The following GABRR2 variants were observed in gnomAD, a reference collection of about 807,000 sequenced individuals.
GABRR2 encodes gamma-aminobutyric acid receptor subunit rho-2.
In GABRR2, 36 loss-of-function variants were observed where a neutral mutation model predicts 47.0. The observed-to-expected ratio is 0.77, with a 90% CI of 0.59 to 1.01. The LOEUF (loss-of-function observed/expected upper bound fraction) is 1.01. Among genes scored for constraint, GABRR2 ranks in the 50% least tolerant of loss-of-function variants. The pLI is 0.00. For missense variants in GABRR2, 587 were observed against 594.6 expected (o/e 0.99, Z 0.13); for synonymous variants, 204 against 227.5 (o/e 0.90, Z 0.93).
chr6:89,277,896 A>C, intron 2 of GABRR2, among the ~76,000 whole-genome samples: 1 of 150,430 alleles, frequency 6.6e-6, no homozygotes, highest in Non-Finnish European at 1.5e-5. Flanking sequence ...GCAAATTGGT[A>C]CCACTACCTT....
At chr6:89,299,928 G>A (rs1774637883) in intron 1 of GABRR2, 63 bp from the exon 2 acceptor site, 1 of 1,068,788 alleles carries the variant, frequency 9.4e-7, no homozygotes, top group East Asian at 2.4e-5. Context: ...GAGATGATTT[G>A]GGCTATTACT....
chr6:89,286,536 T>C (rs889425051), intron 2 of GABRR2, among the ~76,000 whole-genome samples: 1 of 152,110 alleles, frequency 6.6e-6, no homozygotes, highest in Non-Finnish European at 1.5e-5. Flanking sequence ...TATACAATTT[T>C]TACTTGTTAA....
At chr6:89,261,695 T>G (rs898556991) in intron 8 of GABRR2, among the ~76,000 whole-genome samples, 48 of 152,204 alleles carry the variant, frequency 3.2e-4, no homozygotes, top group Admixed American at 2.9e-3. Context: ...ACAAGGTTTT[T>G]CTTTTTCTCT....
chr6:89,294,457 C>T (rs1774523227), intron 2 of GABRR2, among the ~76,000 whole-genome samples: 1 of 152,138 alleles, frequency 6.6e-6, no homozygotes, highest in South Asian at 2.1e-4. Context: ...CTATCAACTA[C>T]TTTTAAACAC....
chr6:89,309,277 G>T (rs1014838733), intron 1 of GABRR2, among the ~76,000 whole-genome samples: 1 of 152,190 alleles, frequency 6.6e-6, no homozygotes, highest in Admixed American at 6.5e-5. Context: ...TCCTCCAGAC[G>T]TGTAGGTGGT....
intron 2 of GABRR2, among the ~76,000 whole-genome samples, chr6:89,281,038 G>A (rs1340512929): frequency 3.3e-5 from 5 of 152,228 alleles, no homozygotes; most frequent in East Asian, 1.9e-4. Context: ...TAAGGGTCAC[G>A]ATATTTAAAG....
chr6:89,271,344 C>T (rs903881384), intron 3 of GABRR2, among the ~76,000 whole-genome samples: 1 of 152,164 alleles, frequency 6.6e-6, no homozygotes, highest in African/African-American at 2.4e-5. Flanking sequence ...TCCAGTACCC[C>T]ACCAGGTGTG....
At chr6:89,268,895 C>G (rs996165332) in intron 4 of GABRR2, 116 bp downstream of exon 4, 1 of 823,878 alleles carries the variant, frequency 1.2e-6, no homozygotes, top group Non-Finnish European at 2.0e-6. Flanking sequence ...TCAGAAGGCT[C>G]CTCCCATCCA....
chr6:89,257,950 T>G lies in GABRR2; in HGVS notation c.1118A>C (p.Lys373Thr). The G allele has an allele frequency of 1.9e-6, 3 of 1,613,850 alleles. No individual in the cohort carries two copies. The highest frequency in any genetic ancestry group is 2.5e-6 in the Non-Finnish European group (3 of 1,179,836). ...FPCMCGMLHSKTMMLDGSYSE... is the reference protein window; with the variant it reads ...FPCMCGMLHSTTMMLDGSYSE... ...GTAGCTTCCATCCAGCATCATGGTT[T>G]TTGAATGAAGCATTCCACACATGCA... is the stretch of plus-strand genomic sequence containing the variant. The change falls in exon 9 of 9, where the codon AAA (lysine) becomes ACA (threonine). Residue 373 changes from lysine to threonine, a missense_variant. By Grantham distance (78) the Lys-to-Thr change is moderately conservative (BLOSUM62 -1). Transcript: ENST00000402938.
At chr6:89,258,518 C>G (rs1391956111) in intron 8 of GABRR2, among the ~76,000 whole-genome samples, 1 of 138,678 alleles carries the variant, frequency 7.2e-6, no homozygotes, top group Non-Finnish European at 1.5e-5. Flanking sequence ...CCAGCCTGGG[C>G]AACATAGTGA....
rs1053763486 is a variant in GABRR2 at position 89,257,132 on chromosome 6, T to C, written c.*538A>G. ...GATAAATGAATAATCTCCTCTAATA[T>C]TGCAGAATCCTGTGGGTTGCCATAC... On this transcript the variant is annotated 3_prime_UTR_variant, in exon 9 of 9. Transcript: ENST00000402938. The C allele has an allele frequency of 6.5e-6, 1 of 154,428 alleles. No individual in the cohort carries two copies. Among genetic ancestry groups the C allele is most frequent in the Non-Finnish European group, 1.4e-5 (1 of 69,472 alleles). The allele number at this position is 154,428 out of a possible 1,614,324, so 9.6% of individuals were successfully genotyped here.
Position 89,267,786 on chromosome 6 carries a change from C to T in GABRR2, c.629G>A (p.Trp210Ter). 6.2e-7 allele frequency: 1 copy of T among 1,613,814 alleles called. No homozygotes were observed. ...AYTDEDLMLYWKNGDESLKTD... is the reference protein window; with the variant it reads ...AYTDEDLMLY ...TTTTAGGGATTCATCCCCATTCTTC[C>T]AGTACAGCATTAGATCTTCATCTGT... Residue 210 changes from tryptophan (W) to a stop codon, truncating the protein, a stop_gained, in exon 6 of 9, where the codon TGG becomes TAG. Transcript: ENST00000402938. LOFTEE classifies it high-confidence loss of function.
intron 4 of GABRR2, 43 bp from the exon 5 acceptor site, chr6:89,268,139 T>C (rs1200835963): frequency 2.7e-6 from 4 of 1,462,652 alleles, no homozygotes; most frequent in East Asian, 2.4e-5. Flanking sequence ...CGGTGAATTA[T>C]TGGCTCCTAC....
intron 1 of GABRR2, 63 bp from the exon 2 acceptor site, chr6:89,299,928 G>T: frequency 9.4e-7 from 1 of 1,068,786 alleles, no homozygotes; most frequent in Non-Finnish European, 1.5e-6. Context: ...GAGATGATTT[G>T]GGCTATTACT....
chr6:89,300,967 T>C (rs1379302600), intron 1 of GABRR2, among the ~76,000 whole-genome samples: 1 of 152,086 alleles, frequency 6.6e-6, no homozygotes, highest in African/African-American at 2.4e-5. Context: ...ATATCCTTGA[T>C]GAACATTGAG....
rs1178804635 is a variant in GABRR2, at chr6:89,269,046, C to T, written c.477G>A (p.Arg159=). 1 of 1,613,998 alleles carries T rather than the reference C, an allele frequency of 6.2e-7. No individual in the cohort carries two copies. The highest frequency in any genetic ancestry group is 8.5e-7 in the Non-Finnish European group (1 of 1,179,884). ...ACAGCACGTGTCCATCTGGGAACACCCTCAGCATGATGTTGTCAGTGGTGG... is the reference window on the plus strand; with the variant it reads ...ACAGCACGTGTCCATCTGGGAACACTCTCAGCATGATGTTGTCAGTGGTGG... ...HDTTTDNIML[R]VFPDGHVLYS... is the part of the protein sequence containing the mutation. The change falls in exon 4 of 9, where the codon AGG becomes AGA. Residue 159 remains arginine (R), a synonymous_variant. Transcript: ENST00000402938.
Position 89,255,470 on chromosome 6 carries a change from G to C in GABRR2, c.*2200C>G, listed in dbSNP as rs977397541. Among the ~76,000 whole-genome samples, 6 of 152,112 alleles carry C rather than the reference G, an allele frequency of 3.9e-5. No homozygotes were observed. Among genetic ancestry groups the C allele is most frequent in the African/African-American group, 1.4e-4 (6 of 41,444 alleles). ...AAAAAAAGGTTTCTAAACAAGTCCA[G>C]ATGCCCTGTACCACCCAATTACCCA... On this transcript the variant is annotated 3_prime_UTR_variant, in exon 9 of 9. Transcript: ENST00000402938.
At chr6:89,261,471 C>T (rs974894331) in intron 8 of GABRR2, among the ~76,000 whole-genome samples, 21 of 152,244 alleles carry the variant, frequency 1.4e-4, no homozygotes, top group African/African-American at 4.8e-4. Flanking sequence ...CCAGTCATGA[C>T]GAGACAAGAG....
intron 1 of GABRR2, among the ~76,000 whole-genome samples, chr6:89,309,116 T>C (rs1767631223): frequency 6.6e-6 from 1 of 152,112 alleles, no homozygotes; most frequent in African/African-American, 2.4e-5. Context: ...GCAGAGCAAA[T>C]GTCCTGAGGA....
Sources: gnomAD v4.1 joint callset for allele counts (sites outside exome capture counted in the v4.1 genomes callset) on GRCh38, gnomAD v4.1.1 for gene constraint, MANE v1.5 for transcripts, NCBI Gene and HGNC (gene_info 2026-07-23, HGNC 2026-07-21) for gene names.